Variants in TMEM44 observed in about 807,000 individuals in gnomAD.
TMEM44 encodes the protein transmembrane protein 44.
TMEM44 carries 43 observed loss-of-function variants against 47.8 expected under a neutral mutation model. The ratio of observed to expected loss-of-function variants is 0.90; its 90% CI spans 0.70 to 1.16. TMEM44 has a LOEUF of 1.16. TMEM44 is among the 50% of genes most tolerant of loss of function. TMEM44 has a pLI of 0.00. For missense variants in TMEM44, 568 were observed against 555.2 expected (o/e 1.02, Z -0.23); for synonymous variants, 277 against 238.8 (o/e 1.16, Z -1.48).
chr3:194,631,211 CG>C (rs1717791819), intron 1 of TMEM44, among the ~76,000 whole-genome samples: 1 of 151,946 alleles, frequency 6.6e-6, no homozygotes, highest in Admixed American at 6.6e-5. Flanking sequence ...AATATGTTGT[CG>C]TACCTGCCTT....
intron 9 of TMEM44, among the ~76,000 whole-genome samples, chr3:194,602,563 C>T (rs1194136164): frequency 6.6e-6 from 1 of 151,268 alleles, no homozygotes; most frequent in Non-Finnish European, 1.5e-5. Context: ...GATCGCGTCA[C>T]TGCACTCCAG....
intron 2 of TMEM44, among the ~76,000 whole-genome samples, 166 bp downstream of exon 2, chr3:194,628,217 A>G (rs936807823): frequency 6.6e-6 from 1 of 152,190 alleles, no homozygotes; most frequent in African/African-American, 2.4e-5. Flanking sequence ...TGGGAACAAG[A>G]GCCTCTGAGG....
chr3:194,615,425 G>A (rs1178593686), intron 7 of TMEM44, 144 bp downstream of exon 7: 1 of 1,180,716 alleles, frequency 8.5e-7, no homozygotes, highest in Admixed American at 2.3e-5. Flanking sequence ...CCCTCAGCGA[G>A]ACAGGACAGC....
At chr3:194,625,810 C>A in intron 3 of TMEM44, 87 bp downstream of exon 3, 3 of 1,239,190 alleles carry the variant, frequency 2.4e-6, no homozygotes. Flanking sequence ...GGCTGGGGCC[C>A]GCTCTGGGAG....
chr3:194,605,132 GTATC>G (rs952134645), intron 8 of TMEM44, among the ~76,000 whole-genome samples: 5 of 146,572 alleles, frequency 3.4e-5, no homozygotes, highest in Admixed American at 1.4e-4. Flanking sequence ...ATCTATCTAT[GTATC>G]TATCTATGTA....
chr3:194,591,230 C>T (rs951857234), intron 9 of TMEM44, among the ~76,000 whole-genome samples: 5 of 151,744 alleles, frequency 3.3e-5, no homozygotes, highest in Admixed American at 1.3e-4. Flanking sequence ...TGGTGGCTCA[C>T]GCCTGTAATC....
intron 2 of TMEM44, among the ~76,000 whole-genome samples, chr3:194,626,227 G>C (rs1223407566): frequency 6.6e-6 from 1 of 152,194 alleles, no homozygotes; most frequent in African/African-American, 2.4e-5. Context: ...CCACCAGCAG[G>C]GTTGGGATAA....
In TMEM44 at chr3:194,628,421, T is replaced by A; in HGVS notation, c.226A>T (p.Thr76Ser). The change falls in exon 2 of 10, where the codon ACC becomes TCC. Residue 76 changes from threonine (T) to serine (S), a missense_variant. Transcript: ENST00000347147. Reference sequence around the variant, plus strand: ...TGTCTGGCCAGAAGAGCCCCGACGGTGTCACACAGACTGGTCAGGAGGCAG... The same window carrying A: ...TGTCTGGCCAGAAGAGCCCCGACGGAGTCACACAGACTGGTCAGGAGGCAG... ...ACCLLTSLCD[T>S]VGALLARQLT... 6.2e-7 allele frequency: 1 copy of A among 1,611,392 alleles called. No homozygotes were observed. Among genetic ancestry groups the A allele is most frequent in the Admixed American group, 1.7e-5 (1 of 59,812 alleles).
intron 5 of TMEM44, 43 bp from the exon 6 acceptor site, chr3:194,617,312 T>C (rs972707098): frequency 6.7e-5 from 99 of 1,478,536 alleles, no homozygotes; most frequent in Non-Finnish European, 8.6e-5. Context: ...AAGCAGCAGA[T>C]CACAAGACCC....
intron 8 of TMEM44, 30 bp from the exon 9 acceptor site, chr3:194,604,475 G>C (rs1218103634): frequency 2.7e-6 from 4 of 1,468,252 alleles, no homozygotes; most frequent in Admixed American, 2.6e-5. Context: ...GGGCAGGCAA[G>C]GACACGTAGT....
chr3:194,614,714 A>C (rs1450773712), intron 7 of TMEM44, among the ~76,000 whole-genome samples: 2 of 152,224 alleles, frequency 1.3e-5, no homozygotes, highest in Non-Finnish European at 1.5e-5. Flanking sequence ...GCCAAAAATC[A>C]CATTATTTAA....
intron 5 of TMEM44, among the ~76,000 whole-genome samples, chr3:194,620,056 C>G (rs559159158): frequency 5.9e-5 from 9 of 152,036 alleles, no homozygotes; most frequent in South Asian, 2.1e-4. Flanking sequence ...TTTGGAAGGC[C>G]GAGGCGGGTG....
intron 9 of TMEM44, among the ~76,000 whole-genome samples, chr3:194,599,576 T>TTTTTC (rs200085990): frequency 0.32 from 41,955 of 132,694 alleles, 7,759 homozygotes; most frequent in Non-Finnish European, 0.43. Context: ...TTTCATTTTC[T>TTTTTC]TTTTCTTTTC....
chr3:194,609,685 C>T lies in TMEM44; in HGVS notation c.1017+1231G>A, dbSNP rs566838743. Among the ~76,000 whole-genome samples the T allele has an allele frequency of 5.0e-4, 76 of 152,028 alleles. No individual in the cohort carries two copies. In the South Asian group the frequency reaches 6.0e-3, roughly 12 times the overall value. On this transcript the variant is annotated intron_variant, in intron 8 of 9. Coordinates refer to ENST00000347147, the MANE Select transcript of TMEM44 (RefSeq NM_001011655.3). ...CACCCGGAGCCCTGCCTCCCTCACC[C>T]GCACCTCCTCACCCCTCCAGCGCTC...
chr3:194,609,544 T>C (rs1715102356), intron 8 of TMEM44, among the ~76,000 whole-genome samples: 1 of 152,054 alleles, frequency 6.6e-6, no homozygotes, highest in African/African-American at 2.4e-5. Flanking sequence ...AGGTCATCGG[T>C]GACCTCGACA....
intron 8 of TMEM44, among the ~76,000 whole-genome samples, chr3:194,606,525 C>T (rs1345356724): frequency 2.0e-5 from 3 of 152,148 alleles, no homozygotes; most frequent in Admixed American, 1.3e-4. Context: ...GTCCCTGAAT[C>T]GGGCAGGCTT....
chr3:194,625,990 C>A lies in TMEM44; in HGVS notation c.265G>T (p.Val89Phe), dbSNP rs1194964113. The part of the protein sequence containing the change: ...ALLARQLTIQ[V>F]FTGAYLAAID... ...GCTGCTAGGTAGGCACCAGTGAAAA[C>A]CTGGGAGCAAACGGGAAGAGAGTCT... is the stretch of plus-strand genomic sequence containing the variant. The change falls in exon 3 of 10, where the codon GTT becomes TTT. Residue 89 changes from valine to phenylalanine, a missense_variant and splice_region_variant. Val to Phe is a conservative substitution (Grantham distance 50, BLOSUM62 -1). Coordinates refer to ENST00000347147, the MANE Select transcript of TMEM44 (RefSeq NM_001011655.3). 6.2e-7 allele frequency: 1 copy of A among 1,611,896 alleles called. No individual in the cohort carries two copies. The highest frequency in any genetic ancestry group is 1.7e-5 in the Admixed American group (1 of 59,996).
chr3:194,588,489 G>A lies in TMEM44; in HGVS notation c.*40C>T. On this transcript the variant is annotated 3_prime_UTR_variant, in exon 10 of 10. Transcript: ENST00000347147. ...CCGCTGCGTTACTGAACGAACTCCT[G>A]ACCCTGGGCTCTGAGCTGATGAGCT... The A allele has an allele frequency of 6.3e-7, 1 of 1,583,722 alleles. No homozygotes were observed. Among genetic ancestry groups the A allele is most frequent in the Non-Finnish European group, 8.7e-7 (1 of 1,153,748 alleles).
intron 7 of TMEM44, among the ~76,000 whole-genome samples, chr3:194,614,171 A>G (rs775642214): frequency 6.6e-6 from 1 of 152,124 alleles, no homozygotes; most frequent in Non-Finnish European, 1.5e-5. Context: ...AAAAACCACA[A>G]GGAATAGAGT....
Sources: allele counts gnomAD v4.1 joint callset (sites outside exome capture counted in the v4.1 genomes callset), GRCh38; gene constraint gnomAD v4.1.1; transcripts MANE v1.5; gene names NCBI Gene and HGNC (gene_info 2026-07-23, HGNC 2026-07-21).